The following FRZB variants were observed in gnomAD, a reference collection of about 807,000 sequenced individuals.
FRZB encodes secreted frizzled-related protein 3.
FRZB carries 34 observed loss-of-function variants against 32.5 expected under a neutral mutation model. That is an observed-to-expected ratio of 1.05 (90% CI 0.80 to 1.39). The LOEUF (loss-of-function observed/expected upper bound fraction) is 1.39, where lower values mean the gene tolerates loss of function less well. FRZB is among the 40% of genes most tolerant of loss of function. The pLI is 0.00. For synonymous variants in FRZB, 170 were observed against 159.2 expected, an observed-to-expected ratio of 1.07 and a Z score of -0.51; for missense variants, 423 against 424.8, an observed-to-expected ratio of 1.00 and a Z score of 0.04.
chr2:182,834,453 A>G lies in FRZB; in HGVS notation c.*396T>C, dbSNP rs73977798. The G allele has an allele frequency of 8.1e-3, 1,503 of 185,996 alleles. 33 individuals carry two copies. The highest frequency in any genetic ancestry group is 0.033 in the African/African-American group (1,422 of 42,580). The allele number at this position is 185,996 out of a possible 1,614,324, so 11.5% of individuals were successfully genotyped here. ...GCAGAGTATGTTTTAAGGCATATCT[A>G]GCTTTCTGTGAATACCAGAAACCTC... On this transcript the variant is annotated 3_prime_UTR_variant, in exon 6 of 6. Transcript: ENST00000295113.
At chr2:182,859,419 C>A (rs1475355415) in intron 1 of FRZB, among the ~76,000 whole-genome samples, 1 of 152,008 alleles carries the variant, frequency 6.6e-6, no homozygotes, top group Non-Finnish European at 1.5e-5. Flanking sequence ...TTTAGGATGC[C>A]ATAATCCCAG....
intron 2 of FRZB, among the ~76,000 whole-genome samples, chr2:182,854,609 G>A (rs1425325310): frequency 4.6e-5 from 7 of 152,142 alleles, no homozygotes; most frequent in Admixed American, 2.0e-4. Flanking sequence ...AGGCATCCTG[G>A]GACTGTGGTA....
intron 3 of FRZB, among the ~76,000 whole-genome samples, chr2:182,839,038 T>C (rs1695558781): frequency 6.6e-6 from 1 of 152,116 alleles, no homozygotes; most frequent in South Asian, 2.1e-4. Flanking sequence ...AAAGACCTAA[T>C]ACTTAAATAT....
intron 3 of FRZB, among the ~76,000 whole-genome samples, chr2:182,840,701 A>G (rs999596047): frequency 5.3e-5 from 8 of 152,102 alleles, no homozygotes; most frequent in African/African-American, 1.9e-4. Flanking sequence ...TCCTGAAACT[A>G]TGATCAACTT....
chr2:182,846,803 G>C (rs941030554), intron 2 of FRZB, among the ~76,000 whole-genome samples: 1 of 152,088 alleles, frequency 6.6e-6, no homozygotes, highest in South Asian at 2.1e-4. Flanking sequence ...GCCTGTACGA[G>C]GTATCTATGA....
At chr2:182,844,767 A>G (rs1180849043) in intron 2 of FRZB, among the ~76,000 whole-genome samples, 1 of 152,142 alleles carries the variant, frequency 6.6e-6, no homozygotes, top group Non-Finnish European at 1.5e-5. Flanking sequence ...TCAAGTAGGC[A>G]TTTACAAAGC....
chr2:182,864,690 G>A (rs1695870831), intron 1 of FRZB, among the ~76,000 whole-genome samples: 1 of 152,154 alleles, frequency 6.6e-6, no homozygotes, highest in Non-Finnish European at 1.5e-5. Flanking sequence ...TTTGTTAAAT[G>A]AGTCAACGTG....
chr2:182,844,323 G>A (rs1398527593), intron 2 of FRZB, among the ~76,000 whole-genome samples: 1 of 152,116 alleles, frequency 6.6e-6, no homozygotes, highest in African/African-American at 2.4e-5. Context: ...TTAGCAAAAT[G>A]ATTGTATTAT....
At position 182,866,147 on chromosome 2, in the gene FRZB, A is replaced by G. The variant is rs1695887938; in HGVS notation, c.406T>C (p.Cys136Arg). 6.2e-7 allele frequency: 1 copy of G among 1,614,118 alleles called. No homozygotes were observed. The highest frequency in any genetic ancestry group is 8.5e-7 in the Non-Finnish European group (1 of 1,180,014). ...YRHSWPENLA[C>R]EELPVYDRGV... ...CTGTCGTACACTGGCAGCTCCTCGC[A>G]GGCCAGGTTCTCCGGCCACGAGTGG... Residue 136 changes from cysteine to arginine, a missense_variant, in exon 1 of 6, where the codon TGC (cysteine) becomes CGC (arginine). Physicochemically the swap from Cys to Arg is radical, Grantham distance 180 (BLOSUM62 -3). Transcript: ENST00000295113. This position sits in a 1 kb window ranked among gnomAD's most constrained non-coding sequence, Gnocchi z 4.5.
chr2:182,865,042 A>G lies in FRZB; in HGVS notation c.478+1033T>C, dbSNP rs79406289. Among the ~76,000 whole-genome samples the G allele has an allele frequency of 7.5e-3, 1,140 of 152,336 alleles. 33 individuals are homozygous for G. In the South Asian group the frequency reaches 0.076, roughly 10 times the overall value. On this transcript the variant is annotated intron_variant, in intron 1 of 5. Coordinates refer to ENST00000295113, the MANE Select transcript of FRZB (RefSeq NM_001463.4). ...GTTTAGTTGGGGTCTTAAAGTTACA[A>G]ATGTCATAATTAGACTAAACACTAG...
chr2:182,833,566 T>C lies in FRZB; in HGVS notation c.*1283A>G, dbSNP rs1695488650. 6.6e-6 allele frequency: 1 copy of C among 152,166 alleles called. No homozygotes were observed. The highest frequency in any genetic ancestry group is 1.5e-5 in the Non-Finnish European group (1 of 68,020). 9.4% of individuals were successfully genotyped at this position (152,166 alleles called of 1,614,324 possible). On this transcript the variant is annotated 3_prime_UTR_variant, in exon 6 of 6. Transcript: ENST00000295113. ...AATTGAAGCATTGTAAATTGAATCATTGTAAGCTAGGGACCATCTATAAAA... is the reference window on the plus strand; with the variant it reads ...AATTGAAGCATTGTAAATTGAATCACTGTAAGCTAGGGACCATCTATAAAA...
chr2:182,842,018 T>G (rs1160464644), intron 3 of FRZB, among the ~76,000 whole-genome samples: 3 of 152,198 alleles, frequency 2.0e-5, no homozygotes, highest in African/African-American at 4.8e-5. Flanking sequence ...CAAGTGTTAC[T>G]TTCCAAATCT....
intron 2 of FRZB, among the ~76,000 whole-genome samples, chr2:182,843,706 A>C (rs1695609799): frequency 6.6e-6 from 1 of 152,146 alleles, no homozygotes; most frequent in Non-Finnish European, 1.5e-5. Flanking sequence ...TGGGGGAAAA[A>C]AAATTGCTTT....
chr2:182,856,307 T>C, intron 2 of FRZB, among the ~76,000 whole-genome samples: 1 of 151,756 alleles, frequency 6.6e-6, no homozygotes, highest in South Asian at 2.1e-4. Context: ...ATGTAATTGT[T>C]AAAAGAAAAA....
intron 5 of FRZB, among the ~76,000 whole-genome samples, chr2:182,836,580 C>A (rs3768843): frequency 0.016 from 2,398 of 152,126 alleles, 95 homozygotes; most frequent in South Asian, 0.15. Context: ...CTGTCAACAA[C>A]ACAATGATAT....
intron 1 of FRZB, among the ~76,000 whole-genome samples, chr2:182,865,243 A>G (rs964321319): frequency 6.6e-6 from 1 of 152,210 alleles, no homozygotes; most frequent in Non-Finnish European, 1.5e-5. Flanking sequence ...GAGATTTAAA[A>G]TAACATTACG....
chr2:182,834,967 T>C lies in FRZB; in HGVS notation c.862-2A>G. 6.3e-7 allele frequency: 1 copy of C among 1,595,326 alleles called. No individual in the cohort carries two copies. The highest frequency in any genetic ancestry group is 8.6e-7 in the Non-Finnish European group (1 of 1,163,442). ...ATGACGAAGCTTCATATCCCAGCGC[T>C]GTGAAATTTAAAATAGAAAATAGTC... On this transcript the variant is annotated splice_acceptor_variant, in intron 5 of 5. Coordinates refer to ENST00000295113, the MANE Select transcript of FRZB (RefSeq NM_001463.4). LOFTEE classifies it high-confidence loss of function.
Position 182,833,688 on chromosome 2 carries a change from CA to C in FRZB, c.*1160del, listed in dbSNP as rs1054514229. 4.6e-5 allele frequency: 7 copies of C among 152,108 alleles called. No individual in the cohort carries two copies. Among genetic ancestry groups the C allele is most frequent in the African/African-American group, 1.7e-4 (7 of 41,426 alleles). 9.4% of individuals were successfully genotyped at this position (152,108 alleles called of 1,614,324 possible). On this transcript the variant is annotated 3_prime_UTR_variant, in exon 6 of 6. Transcript: ENST00000295113. ...AAAGTCGAAATAACCTCTCTCCTGA[CA>C]ACCATAATTCATTTTACTAGACATT...
At chr2:182,849,006 T>A (rs1380931927) in intron 2 of FRZB, among the ~76,000 whole-genome samples, 3 of 152,024 alleles carry the variant, frequency 2.0e-5, no homozygotes, top group African/African-American at 2.4e-5. Context: ...GGCGGGTGGA[T>A]CACGAGGTCA....
Sources: allele counts gnomAD v4.1 joint callset (sites outside exome capture counted in the v4.1 genomes callset), GRCh38; gene constraint gnomAD v4.1.1; non-coding constraint Gnocchi (gnomAD v3.1); transcripts MANE v1.5; gene names NCBI Gene and HGNC (gene_info 2026-07-23, HGNC 2026-07-21).